The following DPF3 variants were observed in gnomAD, a reference collection of about 807,000 sequenced individuals.
DPF3 encodes the protein double PHD fingers 3.
A neutral mutation model predicts 56.8 loss-of-function variants in DPF3; 18 were observed. That is an observed-to-expected ratio of 0.32 (90% CI 0.22 to 0.47). The LOEUF is 0.47. DPF3 is among the 20% of genes least tolerant of loss of function. The pLI is 1.00. For missense variants in DPF3, 403 were observed against 488.8 expected (o/e 0.82, Z 1.65); for synonymous variants, 188 against 180.2 (o/e 1.04, Z -0.35).
chr14:72,772,516 C>T (rs952364881), intron 1 of DPF3, among the ~76,000 whole-genome samples: 4 of 152,142 alleles, frequency 2.6e-5, no homozygotes, highest in South Asian at 2.1e-4. Flanking sequence ...AATAACTTTC[C>T]GATAGAAAAC....
chr14:72,740,887 T>C (rs1244192432), intron 3 of DPF3, among the ~76,000 whole-genome samples: 3 of 152,134 alleles, frequency 2.0e-5, no homozygotes, highest in Non-Finnish European at 2.9e-5. Context: ...AGGTCATCTA[T>C]AGACTGGGGC....
At chr14:72,699,517 CAAAA>C (rs35540991) in intron 6 of DPF3, among the ~76,000 whole-genome samples, 29 of 61,604 alleles carry the variant, frequency 4.7e-4, no homozygotes, top group African/African-American at 1.5e-3. Context: ...GATTCTGTCT[CAAAA>C]AAAAAAAAAA....
chr14:72,632,777 G>A (rs902893554), intron 8 of DPF3, among the ~76,000 whole-genome samples: 6 of 136,114 alleles, frequency 4.4e-5, no homozygotes, highest in African/African-American at 1.7e-4. Flanking sequence ...GAGAGAAGAG[G>A]GGAAGGGGAT....
At chr14:72,795,892 C>T (rs767750693) in intron 1 of DPF3, among the ~76,000 whole-genome samples, 18 of 152,212 alleles carry the variant, frequency 1.2e-4, no homozygotes, top group Non-Finnish European at 2.4e-4. Flanking sequence ...TTCCCTTGTA[C>T]GTCTTTCTCT....
At chr14:72,744,080 CA>C (rs941781348) in intron 3 of DPF3, among the ~76,000 whole-genome samples, 1 of 152,194 alleles carries the variant, frequency 6.6e-6, no homozygotes, top group Non-Finnish European at 1.5e-5. Flanking sequence ...TTGCAAATTC[CA>C]AAGAGTTCTT....
intron 3 of DPF3, among the ~76,000 whole-genome samples, chr14:72,746,257 G>A (rs957769919): frequency 2.6e-5 from 4 of 152,212 alleles, no homozygotes; most frequent in South Asian, 4.1e-4. Context: ...CTTTGGCTGC[G>A]CTGTTTCTCA....
intron 1 of DPF3, among the ~76,000 whole-genome samples, chr14:72,827,155 C>T (rs184871029): frequency 2.2e-4 from 33 of 152,042 alleles, no homozygotes; most frequent in African/African-American, 8.0e-4. Flanking sequence ...CTTTCATGTG[C>T]CATGTTCCGC....
intron 8 of DPF3, among the ~76,000 whole-genome samples, chr14:72,642,090 G>A (rs1885580675): frequency 6.6e-6 from 1 of 152,234 alleles, no homozygotes; most frequent in Admixed American, 6.5e-5. Context: ...ATGAGAGTGA[G>A]CTTGGAAGTG....
At position 72,744,051 on chromosome 14, in the gene DPF3, C is replaced by A. The variant is rs183098203; in HGVS notation, c.301+9213G>T. 1.1e-3 allele frequency among the ~76,000 whole-genome samples: 161 copies of A among 152,328 alleles called. 1 individual carries two copies. The highest frequency in any genetic ancestry group is 7.5e-3 in the South Asian group (36 of 4,814). The stretch of plus-strand genomic sequence containing the variant: ...CATTTGGCAGGAGAAACACATAGGT[C>A]CAGGGACACTGAGAACACTTGCAAA... On this transcript the variant is annotated intron_variant, in intron 3 of 10. Transcript: ENST00000556509.
At chr14:72,672,794 A>G (rs1599344523) in intron 8 of DPF3, among the ~76,000 whole-genome samples, 1 of 152,132 alleles carries the variant, frequency 6.6e-6, no homozygotes, top group Admixed American at 6.5e-5. Context: ...AACCCATCCA[A>G]ACCTACAGCA....
chr14:72,810,384 C>A (rs1990441), intron 1 of DPF3, among the ~76,000 whole-genome samples: 75,923 of 152,016 alleles, frequency 0.5, 20,038 homozygotes, highest in African/African-American at 0.66. Flanking sequence ...AAGAGACGGG[C>A]GGAGAATGTG....
chr14:72,735,759 G>C (rs937261960), intron 3 of DPF3, among the ~76,000 whole-genome samples: 1 of 152,188 alleles, frequency 6.6e-6, no homozygotes, highest in Non-Finnish European at 1.5e-5. Context: ...GGCTAGCTAC[G>C]TAACCTAAGC....
chr14:72,823,899 G>A (rs903739481), intron 1 of DPF3, among the ~76,000 whole-genome samples: 3 of 152,160 alleles, frequency 2.0e-5, no homozygotes, highest in African/African-American at 7.2e-5. Context: ...AAAATGCTAT[G>A]CTTCCTTCCA....
At chr14:72,773,468 T>C (rs1184428709) in intron 1 of DPF3, among the ~76,000 whole-genome samples, 2 of 152,154 alleles carry the variant, frequency 1.3e-5, no homozygotes, top group Non-Finnish European at 2.9e-5. Context: ...ACACATAACA[T>C]AAAATTTCCC....
intron 3 of DPF3, among the ~76,000 whole-genome samples, chr14:72,745,297 C>A (rs1334812280): frequency 6.6e-6 from 1 of 152,026 alleles, no homozygotes; most frequent in African/African-American, 2.4e-5. Context: ...CGCCACTTAG[C>A]AATATATCTT....
intron 1 of DPF3, among the ~76,000 whole-genome samples, chr14:72,795,190 T>C (rs545199693): frequency 6.6e-6 from 1 of 151,378 alleles, no homozygotes; most frequent in African/African-American, 2.4e-5. Context: ...CAAGGTACAC[T>C]TGAATACCGT....
intron 5 of DPF3, among the ~76,000 whole-genome samples, chr14:72,717,219 C>T (rs1166166541): frequency 6.6e-6 from 1 of 152,256 alleles, no homozygotes; most frequent in Non-Finnish European, 1.5e-5. Flanking sequence ...TCTTGCCACA[C>T]TAAGGAGTGA....
chr14:72,861,737 GAGAAAGAA>G (rs35048401), intron 1 of DPF3, among the ~76,000 whole-genome samples: 2,640 of 84,342 alleles, frequency 0.031, 43 homozygotes, highest in East Asian at 0.048. Flanking sequence ...AAGAAAGAAA[GAGAAAGAA>G]AGAAAGAAAG....
intron 1 of DPF3, among the ~76,000 whole-genome samples, chr14:72,776,906 T>C (rs28430928): frequency 0.016 from 2,482 of 152,166 alleles, 55 homozygotes; most frequent in Middle Eastern, 0.048. Flanking sequence ...GCCCTCCCTC[T>C]CCCTAGCAAC....
Sources: gnomAD v4.1 joint callset for allele counts (sites outside exome capture counted in the v4.1 genomes callset) on GRCh38, gnomAD v4.1.1 for gene constraint, MANE v1.5 for transcripts, NCBI Gene and HGNC (gene_info 2026-07-23, HGNC 2026-07-21) for gene names.